MBD5: variants seen among roughly 807,000 people sequenced by gnomAD.
MBD5 encodes the protein methyl-CpG binding domain protein 5.
MBD5 carries 13 observed loss-of-function variants against 117.3 expected under a neutral mutation model. That is an observed-to-expected ratio of 0.11 (90% confidence interval 0.07 to 0.18). The LOEUF is 0.18. Among genes scored for constraint, MBD5 ranks in the 10% least tolerant of loss-of-function variants. MBD5 has a pLI of 1.00. For synonymous variants in MBD5, 727 were observed against 766.4 expected, an observed-to-expected ratio of 0.95 and a Z score of 0.85; for missense variants, 1,879 against 2,093.8, an observed-to-expected ratio of 0.90 and a Z score of 2.00.
At position 148,400,306 on chromosome 2, in the gene MBD5, G is replaced by T. The variant is rs78502594; in HGVS notation, c.-556-57897G>T. On this transcript the variant is annotated intron_variant, in intron 4 of 13. Coordinates refer to ENST00000642680, the MANE Select transcript of MBD5 (RefSeq NM_001378120.1). ...AATAAATTAAAGTGAAGCTGGTTCT[G>T]GTTAAAGCAGGGTTAGCACCTAAGA... 2.1e-4 allele frequency among the ~76,000 whole-genome samples: 32 copies of T among 152,052 alleles called. No individual in the cohort carries two copies. In the East Asian group the frequency reaches 6.0e-3, roughly 29 times the overall value.
chr2:148,436,117 A>G lies in MBD5; in HGVS notation c.-556-22086A>G, dbSNP rs146690403. Among the ~76,000 whole-genome samples the G allele has an allele frequency of 4.5e-3, 691 of 152,322 alleles. 6 individuals are homozygous for G. The highest frequency in any genetic ancestry group is 0.016 in the African/African-American group (663 of 41,578). ...GCAATGTTTCTGTTTATAGGGTGTC[A>G]TGGATTTATGATACCAAGCTGTTTT... On this transcript the variant is annotated intron_variant, in intron 4 of 13. Coordinates refer to ENST00000642680, the MANE Select transcript of MBD5 (RefSeq NM_001378120.1).
At chr2:148,419,884 T>C (rs1278937692) in intron 4 of MBD5, among the ~76,000 whole-genome samples, 1 of 152,116 alleles carries the variant, frequency 6.6e-6, no homozygotes, top group African/African-American at 2.4e-5. Context: ...TTAAGATCAG[T>C]CTAATTCCAG....
chr2:148,316,148 C>T lies in MBD5; in HGVS notation c.-679-26066C>T, dbSNP rs116568870. 6.0e-3 allele frequency among the ~76,000 whole-genome samples: 910 copies of T among 152,194 alleles called. 9 individuals carry two copies. The highest frequency in any genetic ancestry group is 0.01 in the Non-Finnish European group (703 of 68,006). On this transcript the variant is annotated intron_variant, in intron 3 of 13. Coordinates refer to ENST00000642680, the MANE Select transcript of MBD5 (RefSeq NM_001378120.1). ...TGAGAACAGCCAGGGGAAAATCTACCCCCATGATCCAATCACCTCCTACCA... is the reference window on the plus strand; with the variant it reads ...TGAGAACAGCCAGGGGAAAATCTACTCCCATGATCCAATCACCTCCTACCA...
chr2:148,246,625 A>G (rs567368025), intron 3 of MBD5, among the ~76,000 whole-genome samples: 1 of 151,946 alleles, frequency 6.6e-6, no homozygotes, highest in Non-Finnish European at 1.5e-5. Context: ...AAAAATTAGC[A>G]TGATGGCAGG....
intron 3 of MBD5, among the ~76,000 whole-genome samples, chr2:148,305,171 TAAAC>T (rs773551337): frequency 3.3e-5 from 5 of 152,178 alleles, no homozygotes; most frequent in Middle Eastern, 3.2e-3. Flanking sequence ...TAAAGTAGAC[TAAAC>T]AGTCAGAGTC....
intron 1 of MBD5, among the ~76,000 whole-genome samples, chr2:148,131,356 T>C (rs16828282): frequency 0.012 from 1,874 of 152,272 alleles, 45 homozygotes; most frequent in African/African-American, 0.043. Flanking sequence ...CGTTTCATCT[T>C]TTCTTACACA....
chr2:148,360,995 T>G (rs1372733949), intron 4 of MBD5, among the ~76,000 whole-genome samples: 1 of 152,110 alleles, frequency 6.6e-6, no homozygotes, highest in African/African-American at 2.4e-5. Context: ...ATAAAAATCT[T>G]CCCTCCGCTC....
At chr2:148,415,954 A>G (rs1705403884) in intron 4 of MBD5, among the ~76,000 whole-genome samples, 1 of 152,008 alleles carries the variant, frequency 6.6e-6, no homozygotes. Flanking sequence ...TCTGAGCTCT[A>G]TTTCTGTCAT....
Position 148,265,399 on chromosome 2 carries a change from A to G in MBD5, c.-680+32004A>G, listed in dbSNP as rs375453840. ...TAAGACCATCTTTTTAAAATTCACA[A>G]TGTATTCTAAACATCTTTCTATGGC... On this transcript the variant is annotated intron_variant, in intron 3 of 13. Coordinates refer to ENST00000642680, the MANE Select transcript of MBD5 (RefSeq NM_001378120.1). Among the ~76,000 whole-genome samples the G allele has an allele frequency of 4.7e-4, 72 of 152,272 alleles. No individual in the cohort carries two copies. The South Asian group carries it at 0.015, about 31-fold the overall frequency.
chr2:148,428,241 C>T (rs1705868425), intron 4 of MBD5, among the ~76,000 whole-genome samples: 1 of 152,134 alleles, frequency 6.6e-6, no homozygotes, highest in African/African-American at 2.4e-5. Flanking sequence ...AACTCCCATT[C>T]ACAATTGCTT....
At chr2:148,393,314 CTCT>C (rs897097606) in intron 4 of MBD5, 5 of 152,088 alleles carry the variant, frequency 3.3e-5, no homozygotes, top group African/African-American at 1.2e-4. Context: ...TCAGAATCTC[CTCT>C]TCAACTACCT....
chr2:148,280,148 A>AAC (rs1394644675), intron 3 of MBD5, among the ~76,000 whole-genome samples: 1 of 150,104 alleles, frequency 6.7e-6, no homozygotes, highest in African/African-American at 2.5e-5. Flanking sequence ...AAAAAAAAAA[A>AAC]AACAAAAAGA....
chr2:148,414,134 T>C (rs1016306728), intron 4 of MBD5, among the ~76,000 whole-genome samples: 12 of 152,156 alleles, frequency 7.9e-5, no homozygotes, highest in African/African-American at 2.7e-4. Flanking sequence ...TTACACTGCT[T>C]TAGCTGTGCC....
At chr2:148,074,558 T>C (rs965718998) in intron 1 of MBD5, among the ~76,000 whole-genome samples, 3 of 141,630 alleles carry the variant, frequency 2.1e-5, no homozygotes, top group Non-Finnish European at 4.5e-5. Flanking sequence ...TGGAGTGCAG[T>C]GTCGCCATCT....
chr2:148,132,859 A>C (rs1697083628), intron 1 of MBD5, among the ~76,000 whole-genome samples: 1 of 152,216 alleles, frequency 6.6e-6, no homozygotes, highest in Non-Finnish European at 1.5e-5. Flanking sequence ...GGCTATAGCT[A>C]CTATGTACTT....
rs139745688 is a variant in MBD5, at chr2:148,332,401, T to C, written c.-679-9813T>C. On this transcript the variant is annotated intron_variant, in intron 3 of 13. Transcript: ENST00000642680. ...ACTTATTTCTGATTTGGCTGAAAAC[T>C]GTGTCCCACATAGTACAGATCCCTT... 1.2e-4 allele frequency among the ~76,000 whole-genome samples: 19 copies of C among 152,310 alleles called. No individual in the cohort carries two copies. The East Asian group carries it at 3.3e-3, about 26-fold the overall frequency.
chr2:148,061,424 CT>C (rs1695031399), intron 1 of MBD5, among the ~76,000 whole-genome samples: 1 of 151,938 alleles, frequency 6.6e-6, no homozygotes, highest in South Asian at 2.1e-4. Flanking sequence ...TCCCCCAACT[CT>C]TTCCCTCTAC....
intron 3 of MBD5, among the ~76,000 whole-genome samples, chr2:148,242,857 T>C (rs1700245456): frequency 6.6e-6 from 1 of 152,212 alleles, no homozygotes; most frequent in Admixed American, 6.5e-5. Context: ...ATATTTTGAA[T>C]GTGTGTATGT....
At chr2:148,340,683 T>C (rs1702913941) in intron 3 of MBD5, among the ~76,000 whole-genome samples, 1 of 152,078 alleles carries the variant, frequency 6.6e-6, no homozygotes, top group South Asian at 2.1e-4. Context: ...CTTTTGAAGC[T>C]AAAAGCCAGG....
Sources: allele counts gnomAD v4.1 joint callset (sites outside exome capture counted in the v4.1 genomes callset), GRCh38; gene constraint gnomAD v4.1.1; transcripts MANE v1.5; gene names NCBI Gene and HGNC (gene_info 2026-07-23, HGNC 2026-07-21).